Variants in CRPPA observed in about 807,000 individuals in gnomAD.
The protein encoded by CRPPA is D-ribitol-5-phosphate cytidylyltransferase.
A neutral mutation model predicts 52.0 loss-of-function variants in CRPPA; 43 were observed. The ratio of observed to expected loss-of-function variants is 0.83; its 90% CI spans 0.65 to 1.07. The LOEUF (loss-of-function observed/expected upper bound fraction) is 1.07. Ranked by LOEUF, CRPPA falls within the 50% of genes least tolerant of loss-of-function variation. The pLI, the probability that CRPPA is intolerant of heterozygous loss-of-function variation, is 0.00. For synonymous variants in CRPPA, 250 were observed against 203.5 expected, an observed-to-expected ratio of 1.23 and a Z score of -1.94; for missense variants, 629 against 551.7, an observed-to-expected ratio of 1.14 and a Z score of -1.40.
At chr7:16,366,835 C>T (rs535840644) in intron 3 of CRPPA, among the ~76,000 whole-genome samples, 8 of 149,952 alleles carry the variant, frequency 5.3e-5, no homozygotes, top group African/African-American at 1.2e-4. Context: ...AATAGGAAGA[C>T]GCATGACCGT....
chr7:16,318,186 C>T (rs1321687039), intron 3 of CRPPA, among the ~76,000 whole-genome samples: 3 of 152,138 alleles, frequency 2.0e-5, no homozygotes, highest in Admixed American at 6.6e-5. Flanking sequence ...TTAGACTACT[C>T]TTATCAACAA....
At chr7:16,178,266 T>C (rs145321382) in intron 9 of CRPPA, among the ~76,000 whole-genome samples, 329 of 152,174 alleles carry the variant, frequency 2.2e-3, no homozygotes, top group Non-Finnish European at 4.0e-3. Flanking sequence ...CATACACAAA[T>C]GACCATACAG....
At chr7:16,294,404 G>T (rs1187448089) in intron 5 of CRPPA, among the ~76,000 whole-genome samples, 1 of 151,866 alleles carries the variant, frequency 6.6e-6, no homozygotes, top group Admixed American at 6.6e-5. Context: ...TAAGGAAATG[G>T]TAAAACTAAA....
rs374791859 is a variant in CRPPA at position 16,400,309 on chromosome 7, T to C, written c.534+5752A>G. ...ATGACCAATGAGACACGGAACATGA[T>C]TGACACTTGACCAACACCTGATAGA... On this transcript the variant is annotated intron_variant, in intron 2 of 9. Transcript: ENST00000407010. Among the ~76,000 whole-genome samples the C allele has an allele frequency of 1.2e-4, 18 of 152,270 alleles. No homozygotes were observed. The East Asian group carries it at 1.5e-3, about 13-fold the overall frequency.
At chr7:16,199,210 A>C (rs1239961096) in intron 9 of CRPPA, among the ~76,000 whole-genome samples, 5 of 152,108 alleles carry the variant, frequency 3.3e-5, no homozygotes, top group African/African-American at 1.2e-4. Flanking sequence ...TGGGGATTTT[A>C]AATGTCCTCC....
chr7:16,193,807 G>C (rs146250468), intron 9 of CRPPA, among the ~76,000 whole-genome samples: 39 of 152,124 alleles, frequency 2.6e-4, no homozygotes, highest in African/African-American at 8.9e-4. Context: ...CAACTCCTCC[G>C]TGCGCTTATC....
In CRPPA at chr7:16,095,894, C is replaced by G. The variant is rs564705651; in HGVS notation, c.1252-4095G>C. On this transcript the variant is annotated intron_variant, in intron 9 of 9. Transcript: ENST00000407010. ...TGTGCATGCCCAAGGAGAAACTCAA[C>G]GAGGCCTAGCAGAGAATAACTGCTG... Among the ~76,000 whole-genome samples the G allele has an allele frequency of 2.6e-5, 4 of 152,272 alleles. No homozygotes were observed. In the East Asian group the frequency reaches 5.8e-4, roughly 22 times the overall value.
intron 2 of CRPPA, among the ~76,000 whole-genome samples, chr7:16,397,884 A>G (rs1426017126): frequency 6.6e-6 from 1 of 152,200 alleles, no homozygotes; most frequent in Non-Finnish European, 1.5e-5. Context: ...ACACGTGACC[A>G]ACGTGTGACC....
intron 9 of CRPPA, among the ~76,000 whole-genome samples, chr7:16,130,005 T>A (rs1300543551): frequency 6.6e-6 from 1 of 152,168 alleles, no homozygotes; most frequent in Non-Finnish European, 1.5e-5. Context: ...ACTATCGAAT[T>A]TTTTAAAAAC....
At chr7:16,136,317 G>T (rs1224113005) in intron 9 of CRPPA, among the ~76,000 whole-genome samples, 1 of 152,094 alleles carries the variant, frequency 6.6e-6, no homozygotes, top group African/African-American at 2.4e-5. Flanking sequence ...TATCAAGTTT[G>T]TAAATTAACT....
At chr7:16,383,705 G>T (rs1228236738) in intron 2 of CRPPA, among the ~76,000 whole-genome samples, 20 of 148,392 alleles carry the variant, frequency 1.3e-4, no homozygotes, top group African/African-American at 2.7e-4. Context: ...AATGGCAGGC[G>T]CCCCTCCCCC....
chr7:16,374,230 G>C (rs896067510), intron 3 of CRPPA, among the ~76,000 whole-genome samples: 1 of 152,082 alleles, frequency 6.6e-6, no homozygotes, highest in Non-Finnish European at 1.5e-5. Flanking sequence ...AAGAAGGTGG[G>C]ATAAGCTGGC....
intron 9 of CRPPA, among the ~76,000 whole-genome samples, chr7:16,135,576 G>T (rs1782748690): frequency 6.6e-6 from 1 of 151,916 alleles, no homozygotes; most frequent in Non-Finnish European, 1.5e-5. Context: ...CCAGAGGGAA[G>T]GTTATTCTTT....
At chr7:16,354,323 T>A (rs1786241703) in intron 3 of CRPPA, among the ~76,000 whole-genome samples, 1 of 152,166 alleles carries the variant, frequency 6.6e-6, no homozygotes, top group Non-Finnish European at 1.5e-5. Context: ...CTGCTTTGTA[T>A]TAGCACCAGA....
At chr7:16,319,217 A>T (rs369797613) in intron 3 of CRPPA, among the ~76,000 whole-genome samples, 2 of 152,202 alleles carry the variant, frequency 1.3e-5, no homozygotes, top group East Asian at 3.9e-4. Flanking sequence ...TATGCTTATG[A>T]CTCATTCAAT....
At chr7:16,304,702 C>T (rs1010147698) in intron 4 of CRPPA, among the ~76,000 whole-genome samples, 1 of 152,122 alleles carries the variant, frequency 6.6e-6, no homozygotes, top group African/African-American at 2.4e-5. Context: ...TTTCTGGTGG[C>T]AACTGAAATT....
At chr7:16,146,632 T>A (rs1170073128) in intron 9 of CRPPA, among the ~76,000 whole-genome samples, 1 of 152,100 alleles carries the variant, frequency 6.6e-6, no homozygotes, top group Non-Finnish European at 1.5e-5. Context: ...CTAAAATGCA[T>A]GAGAAGATGT....
chr7:16,283,453 A>T (rs867518465), intron 5 of CRPPA, among the ~76,000 whole-genome samples: 1 of 150,188 alleles, frequency 6.7e-6, no homozygotes, highest in Non-Finnish European at 1.5e-5. Context: ...ATATGACACT[A>T]TAAAGATGAT....
chr7:16,099,342 CAGGAAGGGGA>C (rs1781994591), intron 9 of CRPPA, among the ~76,000 whole-genome samples: 1 of 127,038 alleles, frequency 7.9e-6, no homozygotes, highest in Non-Finnish European at 1.6e-5. Flanking sequence ...AGGGAAGGGA[CAGGAAGGGGA>C]GGGAAGGGGA....
Sources: gnomAD v4.1 joint callset for allele counts (sites outside exome capture counted in the v4.1 genomes callset) on GRCh38, gnomAD v4.1.1 for gene constraint, MANE v1.5 for transcripts, NCBI Gene and HGNC (gene_info 2026-07-23, HGNC 2026-07-21) for gene names.